The following UGT8 variants were observed in gnomAD, a reference collection of about 807,000 sequenced individuals.
The protein encoded by UGT8 is UDP glycosyltransferase 8.
UGT8 carries 12 observed loss-of-function variants against 40.5 expected under a neutral mutation model. The observed-to-expected ratio is 0.30, with a 90% CI of 0.19 to 0.48. The LOEUF is 0.48. Ranked by LOEUF, UGT8 falls within the 20% of genes least tolerant of loss-of-function variation. The pLI is 0.99. For missense variants in UGT8, 513 were observed against 648.7 expected, an observed-to-expected ratio of 0.79 and a Z score of 2.27; for synonymous variants, 224 against 240.4, an observed-to-expected ratio of 0.93 and a Z score of 0.63.
At chr4:114,664,263 C>G in intron 3 of UGT8, 126 bp downstream of exon 3, 2 of 1,048,646 alleles carry the variant, frequency 1.9e-6, no homozygotes, top group Non-Finnish European at 2.7e-6. Context: ...CCTTGACTTT[C>G]ATTTTGTTTC....
intron 5 of UGT8, among the ~76,000 whole-genome samples, chr4:114,671,467 C>T (rs983063673): frequency 6.6e-6 from 1 of 152,046 alleles, no homozygotes; most frequent in African/African-American, 2.4e-5. Flanking sequence ...GGTACTGGTA[C>T]CAAAACAGAC....
rs540545050 is a variant in UGT8 at position 114,616,040 on chromosome 4, G to A, written c.-2-6839G>A. 1.3e-3 allele frequency among the ~76,000 whole-genome samples: 197 copies of A among 152,248 alleles called. 1 individual carries two copies. The highest frequency in any genetic ancestry group is 3.4e-3 in the Middle Eastern group (1 of 294). ...GGGGTGCCTCCCAGTTAGGCTAGTC[G>A]GGGGTCAGGGACCCAGTTGAGGAGG... On this transcript the variant is annotated intron_variant, in intron 1 of 5. Transcript: ENST00000310836.
intron 1 of UGT8, among the ~76,000 whole-genome samples, chr4:114,603,544 G>C (rs928433444): frequency 6.6e-6 from 1 of 152,104 alleles, no homozygotes; most frequent in African/African-American, 2.4e-5. Context: ...CAAGAGGAGA[G>C]TTAGGAGGGT....
intron 2 of UGT8, among the ~76,000 whole-genome samples, chr4:114,624,108 T>G (rs562367067): frequency 6.6e-6 from 1 of 152,354 alleles, no homozygotes; most frequent in African/African-American, 2.4e-5. Flanking sequence ...ATGTTTAGCT[T>G]CAGGTCAGTG....
intron 2 of UGT8, among the ~76,000 whole-genome samples, chr4:114,661,741 G>A (rs370379192): frequency 2.0e-5 from 3 of 152,210 alleles, no homozygotes; most frequent in African/African-American, 4.8e-5. Context: ...GGAAATAGGA[G>A]TTTGCATGTC....
At chr4:114,625,504 C>CTAGG in intron 2 of UGT8, among the ~76,000 whole-genome samples, 1 of 91,106 alleles carries the variant, frequency 1.1e-5, no homozygotes, top group African/African-American at 3.7e-5. Context: ...GAGTGAGACC[C>CTAGG]TGTCTAAAAA....
intron 5 of UGT8, among the ~76,000 whole-genome samples, chr4:114,673,865 A>G (rs1304570797): frequency 6.6e-6 from 1 of 152,222 alleles, no homozygotes; most frequent in Non-Finnish European, 1.5e-5. Flanking sequence ...ATTACAAAGC[A>G]ACTGAGGATG....
intron 2 of UGT8, among the ~76,000 whole-genome samples, chr4:114,659,679 TG>T (rs1203462164): frequency 1.3e-5 from 2 of 152,222 alleles, no homozygotes; most frequent in African/African-American, 4.8e-5. Flanking sequence ...AGGCTTATTC[TG>T]TACCTTATCC....
At chr4:114,661,354 T>A (rs905475211) in intron 2 of UGT8, among the ~76,000 whole-genome samples, 2 of 152,168 alleles carry the variant, frequency 1.3e-5, no homozygotes, top group African/African-American at 4.8e-5. Context: ...ATAAATTTGC[T>A]TTTTATAACT....
intron 1 of UGT8, among the ~76,000 whole-genome samples, chr4:114,603,292 A>G (rs1248604710): frequency 3.9e-5 from 6 of 152,216 alleles, no homozygotes; most frequent in Non-Finnish European, 8.8e-5. Flanking sequence ...TTCTGAGCAC[A>G]GAGGTCCTGG....
Position 114,647,410 on chromosome 4 carries a change from G to T in UGT8, c.823-16585G>T, listed in dbSNP as rs556290013. Among the ~76,000 whole-genome samples, 18 of 148,154 alleles carry T rather than the reference G, an allele frequency of 1.2e-4. No homozygotes were observed. In the East Asian group the frequency reaches 3.6e-3, roughly 30 times the overall value. ...TGTGTGTGTCTCACTCTGTCACCCA[G>T]GCTGGAGTGCAGTGGCGCTATCTCA... is the stretch of plus-strand genomic sequence containing the variant. On this transcript the variant is annotated intron_variant, in intron 2 of 5. Transcript: ENST00000310836.
intron 4 of UGT8, 82 bp from the exon 5 acceptor site, chr4:114,668,003 C>T (rs6831964): frequency 0.96 from 1,482,978 of 1,541,726 alleles, 717,321 homozygotes; most frequent in East Asian, 1. Context: ...TACTGTAGTG[C>T]CGATTTTTAA....
chr4:114,599,581 A>G (rs143538593), intron 1 of UGT8, among the ~76,000 whole-genome samples: 2,869 of 152,318 alleles, frequency 0.019, 43 homozygotes, highest in Middle Eastern at 0.037. Context: ...GCGACTCTCG[A>G]CAATGGACAG....
chr4:114,665,261 A>G lies in UGT8; in HGVS notation c.966-419A>G, dbSNP rs139332454. ...TTTCAATACTTCTGCCTTCCCTCAG[A>G]CTCAGGGTGTTAAGGATTTAGGGAT... On this transcript the variant is annotated intron_variant, in intron 3 of 5. Coordinates refer to ENST00000310836, the MANE Select transcript of UGT8 (RefSeq NM_001128174.3). 19 of 388,652 alleles carry G rather than the reference A, an allele frequency of 4.9e-5. No homozygotes were observed. The East Asian group carries it at 2.5e-3, about 50-fold the overall frequency. 24.1% of individuals were successfully genotyped at this position (388,652 alleles called of 1,614,324 possible). A position where few individuals can be genotyped will look rare whatever the true frequency, so the allele number is the denominator to read the frequency against.
chr4:114,623,839 C>A, intron 2 of UGT8, 137 bp downstream of exon 2: 1 of 1,219,578 alleles, frequency 8.2e-7, no homozygotes, highest in Non-Finnish European at 1.1e-6. Flanking sequence ...ATGGGGCCTC[C>A]AAAGTCCCTT....
intron 2 of UGT8, among the ~76,000 whole-genome samples, chr4:114,628,552 C>A (rs529113587): frequency 2.0e-5 from 3 of 151,624 alleles, no homozygotes; most frequent in Non-Finnish European, 4.4e-5. Context: ...TTTCTCTCTT[C>A]CAAATATGCA....
chr4:114,632,624 A>G (rs1295844980), intron 2 of UGT8, among the ~76,000 whole-genome samples: 1 of 152,212 alleles, frequency 6.6e-6, no homozygotes, highest in Non-Finnish European at 1.5e-5. Flanking sequence ...GTCTTCTGAT[A>G]GCATTTAAAA....
At chr4:114,644,499 A>G (rs537439739) in intron 2 of UGT8, among the ~76,000 whole-genome samples, 3 of 152,252 alleles carry the variant, frequency 2.0e-5, no homozygotes, top group African/African-American at 7.2e-5. Context: ...TCACATTGAA[A>G]TGCAATGATT....
In UGT8 at chr4:114,648,371, G is replaced by GTT. The variant is rs71753758; in HGVS notation, c.823-15604_823-15603dup. ...TGATCTCAGACACACAGAAAATCTG[G>GTT]TTTTTTTTTTTTTTTTTTTTTAGTC... On this transcript the variant is annotated intron_variant, in intron 2 of 5. Transcript: ENST00000310836. Among the ~76,000 whole-genome samples, 109 of 125,688 alleles carry GTT rather than the reference G, an allele frequency of 8.7e-4. 1 individual carries two copies. The highest frequency in any genetic ancestry group is 2.2e-3 in the Admixed American group (28 of 12,456). 82.5% of individuals were successfully genotyped at this position (125,688 alleles called of 152,430 possible).
Sources: allele counts gnomAD v4.1 joint callset (sites outside exome capture counted in the v4.1 genomes callset), GRCh38; gene constraint gnomAD v4.1.1; transcripts MANE v1.5; gene names NCBI Gene and HGNC (gene_info 2026-07-23, HGNC 2026-07-21).